MALRD1: variants seen among roughly 807,000 people sequenced by gnomAD.
The protein encoded by MALRD1 is MAM and LDL-receptor class A domain-containing protein 1.
Under a neutral mutation model 242.1 loss-of-function variants are expected in MALRD1, and 247 were observed. The observed-to-expected ratio is 1.02, with a 90% CI of 0.92 to 1.13. MALRD1 has a LOEUF of 1.13. MALRD1 is among the 50% of genes most tolerant of loss of function. The pLI, the probability that MALRD1 is intolerant of heterozygous loss-of-function variation, is 0.00. For missense variants in MALRD1, 2,989 were observed against 2,533.1 expected (o/e 1.18, Z -3.86); for synonymous variants, 995 against 866.6 (o/e 1.15, Z -2.60).
chr10:19,520,099 G>A (rs1036082990), intron 31 of MALRD1, among the ~76,000 whole-genome samples: 3 of 151,980 alleles, frequency 2.0e-5, no homozygotes, highest in African/African-American at 4.8e-5. Context: ...ACCTTGAGTC[G>A]TTCACGGAAG....
chr10:19,544,328 C>T (rs1835110285), intron 32 of MALRD1, among the ~76,000 whole-genome samples: 1 of 152,054 alleles, frequency 6.6e-6, no homozygotes, highest in East Asian at 1.9e-4. Context: ...GCTGGGAATA[C>T]AGGTGCCTGC....
intron 26 of MALRD1, among the ~76,000 whole-genome samples, chr10:19,379,973 AT>A (rs35629873): frequency 0.06 from 7,841 of 130,548 alleles, 224 homozygotes; most frequent in African/African-American, 0.13. Flanking sequence ...TTTTTATTTA[AT>A]TTTTTTTTTT....
chr10:19,421,914 A>T (rs1833732135), intron 28 of MALRD1, among the ~76,000 whole-genome samples: 1 of 152,212 alleles, frequency 6.6e-6, no homozygotes, highest in African/African-American at 2.4e-5. Flanking sequence ...TTGTGCCAAG[A>T]AGGATGGAAG....
At chr10:19,365,097 C>T (rs1339153548) in intron 26 of MALRD1, among the ~76,000 whole-genome samples, 3 of 151,742 alleles carry the variant, frequency 2.0e-5, no homozygotes, top group African/African-American at 7.3e-5. Context: ...TTGTGTCAAA[C>T]CATAAAAATG....
At chr10:19,540,995 G>T (rs1475519751) in intron 32 of MALRD1, among the ~76,000 whole-genome samples, 1 of 152,016 alleles carries the variant, frequency 6.6e-6, no homozygotes, top group Non-Finnish European at 1.5e-5. Flanking sequence ...AACTAATTAA[G>T]TGGGTACTAG....
At chr10:19,395,894 A>G (rs1180080727) in intron 28 of MALRD1, among the ~76,000 whole-genome samples, 3 of 152,106 alleles carry the variant, frequency 2.0e-5, no homozygotes, top group Non-Finnish European at 4.4e-5. Context: ...AGCTAGTTCC[A>G]CTGGAATCTC....
intron 26 of MALRD1, among the ~76,000 whole-genome samples, chr10:19,373,522 A>AAAAG (rs890566103): frequency 1.3e-5 from 2 of 152,142 alleles, no homozygotes; most frequent in Non-Finnish European, 2.9e-5. Context: ...TCTGTCAAAA[A>AAAAG]AAAGAAAGAA....
At chr10:19,415,025 T>G (rs2130897390) in intron 28 of MALRD1, among the ~76,000 whole-genome samples, 1 of 152,308 alleles carries the variant, frequency 6.6e-6, no homozygotes, top group African/African-American at 2.4e-5. Context: ...TCAACCACGG[T>G]TTGTTTCACC....
intron 36 of MALRD1, among the ~76,000 whole-genome samples, chr10:19,657,834 T>C (rs866734891): frequency 1.3e-5 from 2 of 152,114 alleles, no homozygotes; most frequent in Non-Finnish European, 2.9e-5. Context: ...TACACATGCA[T>C]TTAATAATTA....
At chr10:19,463,184 C>T (rs1302989226) in intron 29 of MALRD1, among the ~76,000 whole-genome samples, 2 of 151,680 alleles carry the variant, frequency 1.3e-5, no homozygotes, top group African/African-American at 4.8e-5. Flanking sequence ...TTTATTATTT[C>T]CATAGGTTTT....
intron 29 of MALRD1, among the ~76,000 whole-genome samples, chr10:19,460,041 G>A (rs1835858778): frequency 6.6e-6 from 1 of 151,862 alleles, no homozygotes; most frequent in Admixed American, 6.6e-5. Context: ...TTAGGATCTA[G>A]GTCAGTAGGA....
At chr10:19,404,881 G>C (rs1010070712) in intron 28 of MALRD1, among the ~76,000 whole-genome samples, 2 of 152,156 alleles carry the variant, frequency 1.3e-5, no homozygotes, top group Admixed American at 6.6e-5. Flanking sequence ...TATATGGTGA[G>C]CTCTGAAAAT....
chr10:19,186,291 A>T (rs1011526347), intron 14 of MALRD1, among the ~76,000 whole-genome samples: 1 of 152,218 alleles, frequency 6.6e-6, no homozygotes, highest in Non-Finnish European at 1.5e-5. Context: ...TGTCATTGTG[A>T]AAGACCCTAA....
chr10:19,644,204 T>G (rs1276763525), intron 36 of MALRD1, among the ~76,000 whole-genome samples: 1 of 152,230 alleles, frequency 6.6e-6, no homozygotes, highest in African/African-American at 2.4e-5. Flanking sequence ...CTCCTCATCT[T>G]CAAACTCTTG....
chr10:19,587,293 C>T (rs1326034365), intron 33 of MALRD1, among the ~76,000 whole-genome samples: 1 of 152,168 alleles, frequency 6.6e-6, no homozygotes, highest in Non-Finnish European at 1.5e-5. Context: ...AAAATGCCTG[C>T]CAGAGACAGT....
intron 14 of MALRD1, among the ~76,000 whole-genome samples, chr10:19,202,391 T>C (rs1013113206): frequency 1.3e-5 from 2 of 152,162 alleles, no homozygotes; most frequent in African/African-American, 4.8e-5. Context: ...AACTTATAAG[T>C]TGTTTGTAAT....
chr10:19,695,197 G>A (rs1833315428), intron 38 of MALRD1, among the ~76,000 whole-genome samples: 1 of 152,090 alleles, frequency 6.6e-6, no homozygotes, highest in African/African-American at 2.4e-5. Flanking sequence ...TCATGCACAT[G>A]TACCCTAGAA....
At chr10:19,366,913 A>G (rs1036464629) in intron 26 of MALRD1, among the ~76,000 whole-genome samples, 2 of 152,130 alleles carry the variant, frequency 1.3e-5, no homozygotes, top group African/African-American at 2.4e-5. Flanking sequence ...TTGGTTTGTC[A>G]GTGTCTTTAA....
intron 24 of MALRD1, among the ~76,000 whole-genome samples, chr10:19,332,808 A>G (rs1843439151): frequency 1.3e-5 from 2 of 152,200 alleles, no homozygotes; most frequent in African/African-American, 2.4e-5. Context: ...GCTGTCAACA[A>G]GAGTGCCTTA....
Sources: allele counts gnomAD v4.1 joint callset (sites outside exome capture counted in the v4.1 genomes callset), GRCh38; gene constraint gnomAD v4.1.1; transcripts MANE v1.5; gene names NCBI Gene and HGNC (gene_info 2026-07-23, HGNC 2026-07-21).